AFF3: variants seen among roughly 807,000 people sequenced by gnomAD.
AFF3 encodes ALF transcription elongation factor 3, also known as AF4/FMR2 family member 3.
In AFF3, 32 loss-of-function variants were observed where a neutral mutation model predicts 129.7. The ratio of observed to expected loss-of-function variants is 0.25; its 90% confidence interval spans 0.19 to 0.33. AFF3 has a LOEUF of 0.33. Ranked by LOEUF, AFF3 falls within the 10% of genes least tolerant of loss-of-function variation. The probability of loss-of-function intolerance (pLI) is 1.00; values close to 1 mark genes in which losing one functional copy is unlikely to be tolerated. For missense variants in AFF3, 1,373 were observed against 1,592.0 expected, an observed-to-expected ratio of 0.86 and a Z score of 2.34; for synonymous variants, 644 against 635.4, an observed-to-expected ratio of 1.01 and a Z score of -0.20.
chr2:99,747,111 C>A (rs930954638), intron 9 of AFF3, among the ~76,000 whole-genome samples: 16 of 152,174 alleles, frequency 1.1e-4, no homozygotes, highest in African/African-American at 3.9e-4. Context: ...TCACTGCAGC[C>A]TCCGCCTCCC....
chr2:99,729,482 T>C (rs984322792), intron 10 of AFF3, among the ~76,000 whole-genome samples: 1 of 152,118 alleles, frequency 6.6e-6, no homozygotes, highest in African/African-American at 2.4e-5. Context: ...GATAATGAAT[T>C]TGCCTTTCTG....
intron 2 of AFF3, among the ~76,000 whole-genome samples, chr2:100,124,475 T>G (rs772551805): frequency 6.6e-6 from 1 of 152,206 alleles, no homozygotes; most frequent in Non-Finnish European, 1.5e-5. Context: ...CTCAGAAAGT[T>G]TATTTTTTAT....
intron 7 of AFF3, among the ~76,000 whole-genome samples, chr2:99,942,372 A>C (rs1675133120): frequency 6.6e-6 from 1 of 152,156 alleles, no homozygotes; most frequent in African/African-American, 2.4e-5. Flanking sequence ...AGCAAGTTAG[A>C]GGGTGGACAA....
intron 13 of AFF3, among the ~76,000 whole-genome samples, chr2:99,613,297 G>A (rs886803469): frequency 9.9e-5 from 15 of 152,120 alleles, no homozygotes; most frequent in South Asian, 2.1e-4. Flanking sequence ...TCTGGGAAAC[G>A]TTAAGTAATA....
intron 7 of AFF3, among the ~76,000 whole-genome samples, chr2:99,899,893 G>A (rs188835604): frequency 5.3e-5 from 8 of 152,318 alleles, no homozygotes; most frequent in Admixed American, 2.0e-4. Flanking sequence ...TTGAAGGCAC[G>A]TCTGGAAATG....
chr2:99,901,258 C>T (rs778885857), intron 7 of AFF3, among the ~76,000 whole-genome samples: 3 of 152,164 alleles, frequency 2.0e-5, no homozygotes, highest in African/African-American at 2.4e-5. Context: ...ATTATGTCTG[C>T]GTATTTTGAG....
chr2:100,044,657 G>A (rs113501097), intron 4 of AFF3, among the ~76,000 whole-genome samples: 71 of 152,030 alleles, frequency 4.7e-4, no homozygotes, highest in Admixed American at 7.9e-4. Flanking sequence ...AATAATGATC[G>A]ACCTGGCACT....
intron 7 of AFF3, among the ~76,000 whole-genome samples, chr2:99,942,554 G>T (rs1373717657): frequency 2.2e-5 from 3 of 137,500 alleles, no homozygotes; most frequent in African/African-American, 2.6e-5. Flanking sequence ...GGGCGGGGGG[G>T]GGGTCGCGGC....
chr2:99,776,214 C>T (rs548823051), intron 8 of AFF3, among the ~76,000 whole-genome samples: 2 of 152,098 alleles, frequency 1.3e-5, no homozygotes, highest in Non-Finnish European at 2.9e-5. Context: ...TGGCTCCTAA[C>T]AAAGAACCAG....
At chr2:100,140,883 C>T (rs896878253) in intron 1 of AFF3, among the ~76,000 whole-genome samples, 119 of 152,252 alleles carry the variant, frequency 7.8e-4, no homozygotes, top group African/African-American at 2.7e-3. Context: ...TGTCACCCCC[C>T]AAACCCATTT....
intron 11 of AFF3, among the ~76,000 whole-genome samples, chr2:99,691,658 GTC>G (rs1675673623): frequency 6.6e-6 from 1 of 152,182 alleles, no homozygotes; most frequent in African/African-American, 2.4e-5. Flanking sequence ...CTTCAAAAGA[GTC>G]TTAAGTAAAG....
At chr2:99,813,505 T>C (rs1302823402) in intron 8 of AFF3, among the ~76,000 whole-genome samples, 1 of 152,224 alleles carries the variant, frequency 6.6e-6, no homozygotes, top group Non-Finnish European at 1.5e-5. Context: ...CTGGAGTACA[T>C]AACAAGGCCT....
intron 7 of AFF3, among the ~76,000 whole-genome samples, chr2:99,856,451 T>G (rs1690538664): frequency 6.6e-6 from 1 of 152,194 alleles, no homozygotes; most frequent in African/African-American, 2.4e-5. Flanking sequence ...ATTGTCCATT[T>G]AAAATTGGTG....
chr2:100,038,032 A>C lies in AFF3; in HGVS notation c.54-29100T>G, dbSNP rs1038620371. On this transcript the variant is annotated intron_variant, in intron 4 of 24. Coordinates refer to ENST00000672756, the MANE Select transcript of AFF3 (RefSeq NM_001386135.1). ...GGGTAAAAGAAAACTTTTCAAGGTC[A>C]ATTATTATTTCAAATTAGAAAACTC... Among the ~76,000 whole-genome samples, 43 of 151,914 alleles carry C rather than the reference A, an allele frequency of 2.8e-4. 1 individual carries two copies. The highest frequency in any genetic ancestry group is 8.9e-4 in the African/African-American group (37 of 41,436).
chr2:100,057,645 T>C (rs1378488490), intron 4 of AFF3, among the ~76,000 whole-genome samples: 3 of 152,202 alleles, frequency 2.0e-5, no homozygotes, highest in African/African-American at 7.2e-5. Context: ...ATGTCACATC[T>C]TGTTTTCTCA....
intron 12 of AFF3, among the ~76,000 whole-genome samples, chr2:99,671,119 T>C (rs1687107929): frequency 6.6e-6 from 1 of 152,244 alleles, no homozygotes; most frequent in South Asian, 2.1e-4. Flanking sequence ...CTTTTTCTAA[T>C]AAAAAGCATA....
intron 12 of AFF3, among the ~76,000 whole-genome samples, chr2:99,671,624 C>T (rs1687152135): frequency 6.6e-6 from 1 of 152,116 alleles, no homozygotes; most frequent in East Asian, 1.9e-4. Flanking sequence ...TGATACCTTT[C>T]TATTAATTCA....
At chr2:99,892,649 C>A (rs144905324) in intron 7 of AFF3, among the ~76,000 whole-genome samples, 2 of 152,282 alleles carry the variant, frequency 1.3e-5, no homozygotes, top group Non-Finnish European at 2.9e-5. Flanking sequence ...TCCTTCTACT[C>A]GCATTCCCTC....
chr2:99,813,164 A>C (rs1266822714), intron 8 of AFF3, among the ~76,000 whole-genome samples: 1 of 152,164 alleles, frequency 6.6e-6, no homozygotes, highest in African/African-American at 2.4e-5. Flanking sequence ...GGTACACATG[A>C]CAGGGTTGCA....
Sources: allele counts gnomAD v4.1 joint callset (sites outside exome capture counted in the v4.1 genomes callset), GRCh38; gene constraint gnomAD v4.1.1; transcripts MANE v1.5; gene names NCBI Gene and HGNC (gene_info 2026-07-23, HGNC 2026-07-21).